BMP7: variants seen among roughly 807,000 people sequenced by gnomAD.
BMP7 encodes the protein osteogenic protein 1.
In BMP7, 12 loss-of-function variants were observed where a neutral mutation model predicts 41.2. The ratio of observed to expected loss-of-function variants is 0.29; its 90% CI spans 0.19 to 0.47. The LOEUF (loss-of-function observed/expected upper bound fraction) is 0.47, where lower values mean the gene tolerates loss of function less well. Ranked by LOEUF, BMP7 falls within the 20% of genes least tolerant of loss-of-function variation. The probability of loss-of-function intolerance (pLI) is 0.99; values close to 1 mark genes in which losing one functional copy is unlikely to be tolerated. For missense variants in BMP7, 467 were observed against 606.0 expected (o/e 0.77, Z 2.41); for synonymous variants, 248 against 250.0 (o/e 0.99, Z 0.07).
At chr20:57,229,325 A>C (rs1458427175) in intron 1 of BMP7, among the ~76,000 whole-genome samples, 1 of 152,216 alleles carries the variant, frequency 6.6e-6, no homozygotes, top group South Asian at 2.1e-4. Context: ...ACAGCACTAA[A>C]AGGAGTGAAT....
chr20:57,265,715 G>A lies in BMP7; in HGVS notation c.408C>T (p.Phe136=). 6.2e-7 allele frequency: 1 copy of A among 1,605,832 alleles called. No homozygotes were observed. Among genetic ancestry groups the A allele is most frequent in the South Asian group, 1.1e-5 (1 of 89,128 alleles). ...FLTDADMVMS[F]VNLVEHDKEF... Reference sequence around the variant, plus strand: ...CCTGCCCTTACTCACCGAGGTTGACGAAGCTCATGACCATGTCGGCGTCGG... The same window carrying A: ...CCTGCCCTTACTCACCGAGGTTGACAAAGCTCATGACCATGTCGGCGTCGG... Residue 136 remains phenylalanine (F), a synonymous_variant, in exon 1 of 7, where the codon TTC becomes TTT. Transcript: ENST00000395863.
chr20:57,171,372 G>A lies in BMP7; in HGVS notation c.1147-264C>T, dbSNP rs1209696910. On this transcript the variant is annotated intron_variant, in intron 6 of 6. Transcript: ENST00000395863. This position sits in a 1 kb window ranked among gnomAD's most constrained non-coding sequence, Gnocchi z 4.5. ...GGAAGGGGCCAGATCCGACATTCAG[G>A]ACCAGGTAATTCTCTGTTGGGGAAC... Among the ~76,000 whole-genome samples, 1 of 152,190 alleles carries A rather than the reference G, an allele frequency of 6.6e-6. No individual in the cohort carries two copies. Among genetic ancestry groups the A allele is most frequent in the African/African-American group, 2.4e-5 (1 of 41,438 alleles).
In BMP7 at chr20:57,261,233, C is replaced by T. The variant is rs889103758; in HGVS notation, c.418+4472G>A. On this transcript the variant is annotated intron_variant, in intron 1 of 6. Coordinates refer to ENST00000395863, the MANE Select transcript of BMP7 (RefSeq NM_001719.3). This position sits in a 1 kb window ranked among gnomAD's most constrained non-coding sequence, Gnocchi z 4.1. ...ACTACGCCATGGTAAAGCCCCAAAC[C>T]GTAGCTTGAGAGGGCTGCATCTCAA... Among the ~76,000 whole-genome samples, 19 of 152,152 alleles carry T rather than the reference C, an allele frequency of 1.2e-4. No individual in the cohort carries two copies. The highest frequency in any genetic ancestry group is 4.3e-4 in the African/African-American group (18 of 41,448).
intron 3 of BMP7, among the ~76,000 whole-genome samples, chr20:57,191,470 G>A (rs1984355632): frequency 6.6e-6 from 1 of 152,126 alleles, no homozygotes; most frequent in South Asian, 2.1e-4. Context: ...GGCCGAGGCA[G>A]GCAGATCACT....
Position 57,170,732 on chromosome 20 carries a change from G to T in BMP7, c.*227C>A. ...TATGCGTTGTTTTTTTTTCCTGCTA[G>T]GTTTTGCCTGCACAGCTTGTAGGAT... is the stretch of plus-strand genomic sequence containing the variant. On this transcript the variant is annotated 3_prime_UTR_variant, in exon 7 of 7. Transcript: ENST00000395863. 1.8e-6 allele frequency: 1 copy of T among 563,572 alleles called. No individual in the cohort carries two copies. Among genetic ancestry groups the T allele is most frequent in the Non-Finnish European group, 3.1e-6 (1 of 323,420 alleles). The allele number at this position is 563,572 out of a possible 1,614,324, so 34.9% of individuals were successfully genotyped here.
chr20:57,232,626 A>G (rs2066033490), intron 1 of BMP7, among the ~76,000 whole-genome samples: 1 of 152,184 alleles, frequency 6.6e-6, no homozygotes, highest in African/African-American at 2.4e-5. Context: ...CAGAGTTACA[A>G]GGTTCTTTTC....
At position 57,181,688 on chromosome 20, in the gene BMP7, G is replaced by T. The variant is rs142604476; in HGVS notation, c.958+2034C>A. On this transcript the variant is annotated intron_variant, in intron 4 of 6. Transcript: ENST00000395863. Reference sequence around the variant, plus strand: ...AATGCAACTGGGGGCTCTAGGGGAGGATCCCTTCCTTGCCTTGTGCAGCTT... The same window carrying T: ...AATGCAACTGGGGGCTCTAGGGGAGTATCCCTTCCTTGCCTTGTGCAGCTT... Among the ~76,000 whole-genome samples, 461 of 152,288 alleles carry T rather than the reference G, an allele frequency of 3.0e-3. 2 individuals carry two copies. Among genetic ancestry groups the T allele is most frequent in the South Asian group, 0.02 (96 of 4,826 alleles).
chr20:57,254,584 C>G (rs1043780876), intron 1 of BMP7, among the ~76,000 whole-genome samples: 1 of 151,876 alleles, frequency 6.6e-6, no homozygotes, highest in Non-Finnish European at 1.5e-5. Flanking sequence ...TGGTTACATC[C>G]TAAACATCCT....
chr20:57,265,190 T>C (rs1351438970), intron 1 of BMP7, among the ~76,000 whole-genome samples: 4 of 151,972 alleles, frequency 2.6e-5, no homozygotes, highest in Non-Finnish European at 5.9e-5. Context: ...CCCAAGGCGC[T>C]CGGAGCGCGC....
intron 1 of BMP7, among the ~76,000 whole-genome samples, chr20:57,232,852 TACACACACACAC>T (rs60368986): frequency 0.012 from 1,643 of 138,134 alleles, 31 homozygotes; most frequent in African/African-American, 0.038. Flanking sequence ...AGTCATGAAG[TACACACACACAC>T]ACACACACAC....
At chr20:57,246,886 G>A (rs1004374878) in intron 1 of BMP7, among the ~76,000 whole-genome samples, 1 of 152,182 alleles carries the variant, frequency 6.6e-6, no homozygotes. Context: ...CTACTCAGGA[G>A]GCTGAGGCAG....
chr20:57,209,249 TTATATATATATA>T (rs57062226), intron 2 of BMP7, among the ~76,000 whole-genome samples: 1,085 of 94,874 alleles, frequency 0.011, 39 homozygotes, highest in African/African-American at 0.034. Flanking sequence ...TTATATATTT[TTATATATATATA>T]TATATATATA....
At chr20:57,220,247 A>ATCTGAAC (rs1212133344) in intron 2 of BMP7, among the ~76,000 whole-genome samples, 2 of 152,242 alleles carry the variant, frequency 1.3e-5, no homozygotes, top group East Asian at 3.8e-4. Context: ...CCTACTTCCA[A>ATCTGAAC]TCTGAACTTG....
In BMP7 at chr20:57,190,797, C is replaced by T. The variant is rs73287967; in HGVS notation, c.761-6878G>A. Among the ~76,000 whole-genome samples, 994 of 152,312 alleles carry T rather than the reference C, an allele frequency of 6.5e-3. 10 individuals are homozygous for T. Among genetic ancestry groups the T allele is most frequent in the African/African-American group, 0.022 (927 of 41,558 alleles). On this transcript the variant is annotated intron_variant, in intron 3 of 6. Coordinates refer to ENST00000395863, the MANE Select transcript of BMP7 (RefSeq NM_001719.3). Reference sequence around the variant, plus strand: ...CTTAGGGGAAGGATGGTCTCCTGCACCCACTGCTCCTGCACAGAAGCCAGC... The same window carrying T: ...CTTAGGGGAAGGATGGTCTCCTGCATCCACTGCTCCTGCACAGAAGCCAGC...
At chr20:57,186,251 C>T (rs1600731201) in intron 3 of BMP7, among the ~76,000 whole-genome samples, 1 of 152,054 alleles carries the variant, frequency 6.6e-6, no homozygotes, top group Admixed American at 6.5e-5. Context: ...TGCAGGAGTA[C>T]CCGGTAAGGA....
chr20:57,199,951 T>G (rs1267015773), intron 3 of BMP7, among the ~76,000 whole-genome samples: 1 of 152,176 alleles, frequency 6.6e-6, no homozygotes, highest in African/African-American at 2.4e-5. Context: ...GGACACAGCA[T>G]CTAATCCTTG....
chr20:57,177,282 G>T (rs1342625233), intron 4 of BMP7, among the ~76,000 whole-genome samples: 2 of 152,194 alleles, frequency 1.3e-5, no homozygotes, highest in African/African-American at 4.8e-5. Flanking sequence ...GGCCTCCAAG[G>T]CTCAGGCTGA....
At chr20:57,256,823 G>T (rs2066135986) in intron 1 of BMP7, among the ~76,000 whole-genome samples, 1 of 152,128 alleles carries the variant, frequency 6.6e-6, no homozygotes. Context: ...AGAAGGCGGA[G>T]GTTGCAGTGA....
In BMP7 at chr20:57,214,858, G is replaced by A. The variant is rs3764677; in HGVS notation, c.612-12235C>T. On this transcript the variant is annotated intron_variant, in intron 2 of 6. Transcript: ENST00000395863. The surrounding 1 kb of genome is among the most constrained non-coding windows in gnomAD (Gnocchi z 4.0). ...GCCCTATTTTATTCAGCCCTGGAGC[G>A]GCCTCTCCACCAGGCACACAGCTTA... The A allele has an allele frequency of 0.61, 92,277 of 152,122 alleles. 28,291 individuals are homozygous for A. Among genetic ancestry groups the A allele is most frequent in the African/African-American group, 0.67 (27,850 of 41,488 alleles). The allele number at this position is 152,122 out of a possible 1,614,324, so 9.4% of individuals were successfully genotyped here.
Sources: gnomAD v4.1 joint callset for allele counts (sites outside exome capture counted in the v4.1 genomes callset) on GRCh38, gnomAD v4.1.1 for gene constraint, Gnocchi (gnomAD v3.1) non-coding constraint, MANE v1.5 for transcripts, NCBI Gene and HGNC (gene_info 2026-07-23, HGNC 2026-07-21) for gene names.